REDIC1: variants seen among roughly 807,000 people sequenced by gnomAD.
The protein encoded by REDIC1 is HEI10 Interacting Protein 1.
At chr12:39,741,925 C>T in the REDIC1 span, among the ~76,000 whole-genome samples, 17 of 152,348 alleles carry the variant, frequency 1.1e-4, no homozygotes, top group Admixed American at 9.1e-4. Context: ...GCAGATGTGA[C>T]TTAACCCTTG....
the REDIC1 span, among the ~76,000 whole-genome samples, chr12:39,748,716 G>A: frequency 6.6e-6 from 1 of 152,036 alleles, no homozygotes; most frequent in Non-Finnish European, 1.5e-5. Context: ...TATAACAAAT[G>A]GTCTCTCAGA....
chr12:39,786,961 A>G, the REDIC1 span, among the ~76,000 whole-genome samples: 1 of 149,718 alleles, frequency 6.7e-6, no homozygotes, highest in Non-Finnish European at 1.5e-5. Context: ...CTAATCAGAG[A>G]CATGGGCATA....
At chr12:39,898,733 A>G in the REDIC1 span, among the ~76,000 whole-genome samples, 1 of 152,154 alleles carries the variant, frequency 6.6e-6, no homozygotes, top group Non-Finnish European at 1.5e-5. Flanking sequence ...GCATGTGTTC[A>G]TGGAATGGAA....
At chr12:39,685,373 G>A in the REDIC1 span, among the ~76,000 whole-genome samples, 5 of 152,158 alleles carry the variant, frequency 3.3e-5, no homozygotes, top group African/African-American at 1.2e-4. Flanking sequence ...GGCAAAGGGG[G>A]AGCAAGGAGT....
the REDIC1 span, among the ~76,000 whole-genome samples, chr12:39,851,643 T>C: frequency 4.6e-5 from 7 of 152,122 alleles, no homozygotes; most frequent in Non-Finnish European, 1.0e-4. Flanking sequence ...GCAATTCAGA[T>C]ACACACATAG....
At chr12:39,683,059 A>G in the REDIC1 span, 1 of 1,613,130 alleles carries the variant, frequency 6.2e-7, no homozygotes, top group Non-Finnish European at 8.5e-7. Context: ...GAAGTATCAG[A>G]GAGAGTATAA....
chr12:39,862,103 C>T, the REDIC1 span, among the ~76,000 whole-genome samples: 5 of 152,238 alleles, frequency 3.3e-5, no homozygotes, highest in Non-Finnish European at 7.4e-5. Flanking sequence ...TCTCATTGTT[C>T]TGAAAGACAT....
At chr12:39,647,715 A>G in the REDIC1 span, 9 of 1,087,228 alleles carry the variant, frequency 8.3e-6, no homozygotes, top group African/African-American at 3.3e-5. Flanking sequence ...ACTTATTTTA[A>G]TTTCACTATT....
the REDIC1 span, among the ~76,000 whole-genome samples, chr12:39,633,354 C>A: frequency 4.6e-5 from 7 of 152,154 alleles, no homozygotes; most frequent in African/African-American, 1.4e-4. Context: ...TTCACCTCTA[C>A]ATCTTGTTCC....
the REDIC1 span, among the ~76,000 whole-genome samples, chr12:39,784,990 GAAACA>G: frequency 1.3e-5 from 2 of 152,286 alleles, no homozygotes; most frequent in Non-Finnish European, 2.9e-5. Context: ...TTTTAAAAGG[GAAACA>G]GAACATAAAA....
chr12:39,680,997 T>C, the REDIC1 span, among the ~76,000 whole-genome samples: 131,579 of 152,026 alleles, frequency 0.87, 57,198 homozygotes, highest in African/African-American at 0.92. Context: ...ATGGACCGGG[T>C]GTGGTGGCCT....
At chr12:39,715,770 T>G in the REDIC1 span, among the ~76,000 whole-genome samples, 1 of 151,934 alleles carries the variant, frequency 6.6e-6, no homozygotes, top group Non-Finnish European at 1.5e-5. Context: ...AGAACATTCA[T>G]TCAGTGGACA....
chr12:39,653,455 G>A, the REDIC1 span, among the ~76,000 whole-genome samples: 1 of 150,184 alleles, frequency 6.7e-6, no homozygotes, highest in Admixed American at 6.6e-5. Flanking sequence ...ATTGTCCATA[G>A]TAAGTATATT....
At chr12:39,874,056 A>G in the REDIC1 span, among the ~76,000 whole-genome samples, 204 of 152,360 alleles carry the variant, frequency 1.3e-3, no homozygotes, top group African/African-American at 4.6e-3. Context: ...TGAAATGGAA[A>G]GACAATATTT....
the REDIC1 span, among the ~76,000 whole-genome samples, chr12:39,855,463 T>C: frequency 6.6e-6 from 1 of 152,224 alleles, no homozygotes; most frequent in Admixed American, 6.5e-5. Flanking sequence ...GGGAAATGAA[T>C]TATGCCAGGT....
At chr12:39,633,273 A>G in the REDIC1 span, among the ~76,000 whole-genome samples, 2 of 152,094 alleles carry the variant, frequency 1.3e-5, no homozygotes, top group East Asian at 3.8e-4. Context: ...AAACGTTTTT[A>G]TTAAAAATGA....
chr12:39,850,092 T>C, the REDIC1 span, among the ~76,000 whole-genome samples: 5 of 152,142 alleles, frequency 3.3e-5, no homozygotes, highest in African/African-American at 1.2e-4. Context: ...TCATGTTCCC[T>C]GCTTTGGCCT....
chr12:39,770,603 G>T, the REDIC1 span, among the ~76,000 whole-genome samples: 148,056 of 152,266 alleles, frequency 0.97, 71,982 homozygotes, highest in East Asian at 1. Context: ...TGGGCTGTTG[G>T]GAACATTAAA....
At chr12:39,721,306 A>T in the REDIC1 span, 4 of 1,443,316 alleles carry the variant, frequency 2.8e-6, no homozygotes, top group Non-Finnish European at 3.8e-6. Context: ...AGAAAACAAC[A>T]GTAAATGTTG....
Sources: allele counts gnomAD v4.1 joint callset (sites outside exome capture counted in the v4.1 genomes callset), GRCh38; gene constraint gnomAD v4.1.1; transcripts MANE v1.5; gene names NCBI Gene and HGNC (gene_info 2026-07-23, HGNC 2026-07-21).